Variants in ACTR3C observed in about 807,000 individuals in gnomAD.
ACTR3C encodes the protein actin related protein 3C.
A neutral mutation model predicts 26.3 loss-of-function variants in ACTR3C; 18 were observed. The observed-to-expected ratio is 0.68, with a 90% CI of 0.47 to 1.01. The LOEUF is 1.01. Among genes scored for constraint, ACTR3C ranks in the 50% least tolerant of loss-of-function variants. ACTR3C has a pLI of 0.00. For synonymous variants in ACTR3C, 55 were observed against 94.5 expected, an observed-to-expected ratio of 0.58 and a Z score of 2.42; for missense variants, 184 against 250.7, an observed-to-expected ratio of 0.73 and a Z score of 1.80.
At chr7:150,236,251 T>C in the ACTR3C span, among the ~76,000 whole-genome samples, 1 of 152,248 alleles carries the variant, frequency 6.6e-6, no homozygotes, top group Non-Finnish European at 1.5e-5. Flanking sequence ...GTATCCATGG[T>C]AATGAAGGTT....
chr7:150,134,334 G>A, the ACTR3C span, among the ~76,000 whole-genome samples: 1 of 152,112 alleles, frequency 6.6e-6, no homozygotes, highest in African/African-American at 2.4e-5. Flanking sequence ...CAAGGTGGGA[G>A]GTAAAGGGCT....
At chr7:149,920,885 G>A in the ACTR3C span, among the ~76,000 whole-genome samples, 1 of 151,878 alleles carries the variant, frequency 6.6e-6, no homozygotes. Flanking sequence ...TCCTGCCTCA[G>A]CTTCCCAAGT....
the ACTR3C span, among the ~76,000 whole-genome samples, chr7:150,103,025 G>C: frequency 6.6e-6 from 1 of 152,018 alleles, no homozygotes; most frequent in East Asian, 1.9e-4. Context: ...GAGGAGAGCT[G>C]TGTATAAATG....
chr7:150,114,921 C>A, the ACTR3C span, among the ~76,000 whole-genome samples: 1 of 151,918 alleles, frequency 6.6e-6, no homozygotes, highest in Non-Finnish European at 1.5e-5. Context: ...CAAACTGTTG[C>A]CCAAGTATAG....
the ACTR3C span, among the ~76,000 whole-genome samples, chr7:150,015,322 A>G: frequency 2.6e-5 from 4 of 152,306 alleles, no homozygotes; most frequent in East Asian, 7.7e-4. Flanking sequence ...GATGTTTTGC[A>G]GAGAAAGGTC....
chr7:150,236,457 G>A, the ACTR3C span, among the ~76,000 whole-genome samples: 4 of 152,300 alleles, frequency 2.6e-5, no homozygotes, highest in Admixed American at 2.6e-4. Context: ...CCAATTGCCA[G>A]TAACTCTAGA....
At chr7:150,165,002 G>C in the ACTR3C span, among the ~76,000 whole-genome samples, 1 of 152,184 alleles carries the variant, frequency 6.6e-6, no homozygotes, top group Non-Finnish European at 1.5e-5. Context: ...TCCCTTGTCA[G>C]AGGTAAGGAA....
chr7:150,160,365 C>A, the ACTR3C span, among the ~76,000 whole-genome samples: 1 of 151,998 alleles, frequency 6.6e-6, no homozygotes, highest in Non-Finnish European at 1.5e-5. Flanking sequence ...GAAACTCTTT[C>A]CTTTATTCTT....
the ACTR3C span, among the ~76,000 whole-genome samples, chr7:150,197,874 C>G: frequency 6.8e-6 from 1 of 147,866 alleles, no homozygotes. Context: ...CTCCCCTCTC[C>G]CCTCTCCCCA....
chr7:150,229,794 C>T, the ACTR3C span, among the ~76,000 whole-genome samples: 14 of 151,384 alleles, frequency 9.2e-5, no homozygotes, highest in Non-Finnish European at 5.9e-5. Context: ...CTATGCCCAG[C>T]CTTAGAGTGA....
chr7:149,941,927 C>G, the ACTR3C span, among the ~76,000 whole-genome samples: 1 of 152,138 alleles, frequency 6.6e-6, no homozygotes, highest in African/African-American at 2.4e-5. Flanking sequence ...CCCAGGGCTG[C>G]CCAGCCCACC....
intron 4 of ACTR3C, among the ~76,000 whole-genome samples, chr7:150,288,121 C>T (rs1285049401): frequency 7.0e-6 from 1 of 142,524 alleles, no homozygotes; most frequent in East Asian, 2.0e-4. Flanking sequence ...ACTAACAGGG[C>T]TACCCCACAG....
the ACTR3C span, among the ~76,000 whole-genome samples, chr7:150,091,757 C>T: frequency 3.4e-5 from 5 of 146,330 alleles, no homozygotes; most frequent in East Asian, 2.0e-4. Context: ...CCGAGGCGGG[C>T]GGATCACGAG....
At chr7:149,998,220 C>T in the ACTR3C span, among the ~76,000 whole-genome samples, 25 of 151,312 alleles carry the variant, frequency 1.7e-4, no homozygotes, top group Non-Finnish European at 8.8e-5. Context: ...GAGCAAGTCC[C>T]TAGGAGATCT....
the ACTR3C span, among the ~76,000 whole-genome samples, chr7:149,952,162 A>C: frequency 3.9e-5 from 6 of 151,926 alleles, no homozygotes; most frequent in South Asian, 6.2e-4. Context: ...CCTAAAAAAA[A>C]CGCCTTATCT....
the ACTR3C span, among the ~76,000 whole-genome samples, chr7:150,054,852 A>G: frequency 6.6e-6 from 1 of 152,252 alleles, no homozygotes; most frequent in African/African-American, 2.4e-5. Context: ...GGATGAAATG[A>G]TGAACTACAG....
chr7:149,920,941 T>C, the ACTR3C span, among the ~76,000 whole-genome samples: 2 of 151,908 alleles, frequency 1.3e-5, no homozygotes, highest in Admixed American at 6.6e-5. Flanking sequence ...TAATTTTGTA[T>C]TTTTAGTAGA....
At chr7:149,938,133 C>A in the ACTR3C span, among the ~76,000 whole-genome samples, 2 of 152,146 alleles carry the variant, frequency 1.3e-5, no homozygotes, top group East Asian at 3.9e-4. Context: ...AGAGAAAAGT[C>A]CATCAAATAG....
At chr7:150,291,550 C>G (rs1025417248) in intron 3 of ACTR3C, among the ~76,000 whole-genome samples, 7 of 152,160 alleles carry the variant, frequency 4.6e-5, no homozygotes, top group African/African-American at 1.7e-4. Flanking sequence ...TTTTCAATGA[C>G]TAATGTAATT....
Sources: allele counts gnomAD v4.1 joint callset (sites outside exome capture counted in the v4.1 genomes callset), GRCh38; gene constraint gnomAD v4.1.1; transcripts MANE v1.5; gene names NCBI Gene and HGNC (gene_info 2026-07-23, HGNC 2026-07-21).